The following STPG2 variants were observed in gnomAD, a reference collection of about 807,000 sequenced individuals.
STPG2 encodes the protein sperm-tail PG-rich repeat-containing protein 2.
STPG2 carries 56 observed loss-of-function variants against 54.2 expected under a neutral mutation model. The observed-to-expected ratio is 1.03, with a 90% CI of 0.83 to 1.29. The LOEUF (loss-of-function observed/expected upper bound fraction) is 1.29. Ranked by LOEUF, STPG2 falls within the 50% of genes most tolerant of loss-of-function variation. The probability of loss-of-function intolerance (pLI) is 0.00; values close to 1 mark genes in which losing one functional copy is unlikely to be tolerated. For missense variants in STPG2, 596 were observed against 544.9 expected, an observed-to-expected ratio of 1.09 and a Z score of -0.93; for synonymous variants, 200 against 181.8, an observed-to-expected ratio of 1.10 and a Z score of -0.81.
intron 9 of STPG2, among the ~76,000 whole-genome samples, chr4:97,802,177 C>T (rs188457902): frequency 1.3e-5 from 2 of 152,286 alleles, no homozygotes; most frequent in Non-Finnish European, 2.9e-5. Context: ...GCCCACATCT[C>T]TCCATAAGAG....
chr4:97,862,061 C>T (rs1211686476), intron 8 of STPG2, among the ~76,000 whole-genome samples: 1 of 152,062 alleles, frequency 6.6e-6, no homozygotes, highest in African/African-American at 2.4e-5. Flanking sequence ...GAATCAAATT[C>T]ACACATAACA....
intron 4 of STPG2, among the ~76,000 whole-genome samples, chr4:97,476,837 A>C (rs1488200878): frequency 6.6e-6 from 1 of 152,210 alleles, no homozygotes; most frequent in Non-Finnish European, 1.5e-5. Flanking sequence ...CCCAACAATA[A>C]ACTCTAAGTG....
At chr4:97,548,913 A>C (rs1422480674) in intron 4 of STPG2, among the ~76,000 whole-genome samples, 2 of 81,206 alleles carry the variant, frequency 2.5e-5, no homozygotes, top group African/African-American at 6.3e-5. Flanking sequence ...AAATTGCCCT[A>C]CTATACCAGA....
intron 10 of STPG2, among the ~76,000 whole-genome samples, chr4:97,593,430 G>A (rs963942478): frequency 2.6e-5 from 4 of 152,132 alleles, no homozygotes; most frequent in African/African-American, 7.2e-5. Context: ...CCTGGGTCTC[G>A]CACACCCAAC....
Position 97,535,144 on chromosome 4 carries a change from A to G in STPG2, c.462+177555T>C, listed in dbSNP as rs146484969. 3.6e-3 allele frequency among the ~76,000 whole-genome samples: 544 copies of G among 152,322 alleles called. 2 individuals are homozygous for G. The highest frequency in any genetic ancestry group is 6.0e-3 in the Non-Finnish European group (410 of 68,012). On this transcript the variant is annotated intron_variant, in intron 4 of 4. Transcript: ENST00000522676. ...AGCTTTTCATTTCATTTGGGCAAAT[A>G]CTTAGGATGGATTGCTAGTTTGTAT...
chr4:98,027,779 A>T (rs182493202), intron 5 of STPG2, among the ~76,000 whole-genome samples: 3 of 152,188 alleles, frequency 2.0e-5, no homozygotes, highest in Non-Finnish European at 4.4e-5. Context: ...TTTGGAGTCA[A>T]TCTTCCTTTT....
At chr4:97,967,497 A>T (rs1008961307) in intron 7 of STPG2, among the ~76,000 whole-genome samples, 23 of 152,158 alleles carry the variant, frequency 1.5e-4, no homozygotes, top group Non-Finnish European at 2.9e-4. Flanking sequence ...TCAGCTCTGC[A>T]CCAAGCAGAC....
chr4:97,614,919 C>A (rs1733821074), intron 10 of STPG2, among the ~76,000 whole-genome samples: 1 of 152,080 alleles, frequency 6.6e-6, no homozygotes. Context: ...GTTGTCAGTC[C>A]TTTTCAGTTA....
downstream of STPG2, among the ~76,000 whole-genome samples, chr4:97,554,074 T>C (rs1732025298): frequency 6.6e-6 from 1 of 152,228 alleles, no homozygotes; most frequent in Non-Finnish European, 1.5e-5. Flanking sequence ...TTCTGACCTA[T>C]GTTTCCATTT....
At chr4:97,684,884 T>G (rs1486019136) in intron 10 of STPG2, among the ~76,000 whole-genome samples, 1 of 151,916 alleles carries the variant, frequency 6.6e-6, no homozygotes, top group Non-Finnish European at 1.5e-5. Context: ...AATATACAAT[T>G]TTTTAAAAAT....
chr4:98,000,091 GACTCT>G lies in STPG2; in HGVS notation c.613-18778_613-18774del, dbSNP rs369628188. Among the ~76,000 whole-genome samples the G allele has an allele frequency of 4.6e-4, 70 of 151,984 alleles. 1 individual carries two copies. Among genetic ancestry groups the G allele is most frequent in the African/African-American group, 6.8e-4 (28 of 41,446 alleles). ...AACCTGTGGATCATTCTACTCTTTA[GACTCT>G]ACTCTAATATAATCTTGATATCATT... On this transcript the variant is annotated intron_variant, in intron 5 of 10. Coordinates refer to ENST00000295268, the MANE Select transcript of STPG2 (RefSeq NM_174952.3).
At chr4:97,454,115 AAAC>A (rs1729449106) in intron 4 of STPG2, among the ~76,000 whole-genome samples, 2 of 152,206 alleles carry the variant, frequency 1.3e-5, no homozygotes, top group Non-Finnish European at 2.9e-5. Flanking sequence ...ATAATATTTA[AAAC>A]AACATGGCTT....
At position 97,669,766 on chromosome 4, in the gene STPG2, G is replaced by T. The variant is rs943325200; in HGVS notation, c.1320+42933C>A. Among the ~76,000 whole-genome samples, 5 of 25,886 alleles carry T rather than the reference G, an allele frequency of 1.9e-4. 1 individual carries two copies. Among genetic ancestry groups the T allele is most frequent in the Admixed American group, 9.7e-4 (2 of 2,064 alleles). 17.0% of individuals were successfully genotyped at this position (25,886 alleles called of 152,430 possible). Reference sequence around the variant, plus strand: ...AGCCGAGATTGCGCCACTGCAGTCCGCAGTCCGGCCTGGGCAACAGAGCGA... The same window carrying T: ...AGCCGAGATTGCGCCACTGCAGTCCTCAGTCCGGCCTGGGCAACAGAGCGA... On this transcript the variant is annotated intron_variant, in intron 10 of 10. Coordinates refer to ENST00000295268, the MANE Select transcript of STPG2 (RefSeq NM_174952.3).
intron 9 of STPG2, among the ~76,000 whole-genome samples, chr4:97,783,202 A>G (rs1037621178): frequency 1.3e-5 from 2 of 152,248 alleles, no homozygotes; most frequent in Non-Finnish European, 2.9e-5. Flanking sequence ...GCTAATATCC[A>G]GAATCTACAA....
At chr4:97,909,534 A>T (rs1016688702) in intron 8 of STPG2, among the ~76,000 whole-genome samples, 2 of 152,190 alleles carry the variant, frequency 1.3e-5, no homozygotes, top group Non-Finnish European at 2.9e-5. Flanking sequence ...AATGCATCCC[A>T]CAAAAATAGA....
chr4:97,464,111 A>G (rs1267326448), intron 4 of STPG2, among the ~76,000 whole-genome samples: 1 of 152,160 alleles, frequency 6.6e-6, no homozygotes, highest in Non-Finnish European at 1.5e-5. Context: ...GAGTTTTCTA[A>G]TCAGTTGGGT....
chr4:97,717,166 T>C (rs4330355), intron 9 of STPG2, among the ~76,000 whole-genome samples: 89,579 of 151,836 alleles, frequency 0.59, 26,720 homozygotes, highest in South Asian at 0.68. Flanking sequence ...GTCTATTAAA[T>C]TGAGCTATAG....
At chr4:97,902,940 T>C (rs1186742590) in intron 8 of STPG2, among the ~76,000 whole-genome samples, 3 of 152,156 alleles carry the variant, frequency 2.0e-5, no homozygotes, top group Admixed American at 1.3e-4. Context: ...GTGATATATA[T>C]ATTTATATGA....
intron 9 of STPG2, among the ~76,000 whole-genome samples, chr4:97,739,620 T>C (rs1725149978): frequency 1.3e-5 from 2 of 152,242 alleles, no homozygotes; most frequent in African/African-American, 2.4e-5. Flanking sequence ...CTTGAAGAAA[T>C]GGATAAATTC....
Sources: allele counts gnomAD v4.1 joint callset (sites outside exome capture counted in the v4.1 genomes callset), GRCh38; gene constraint gnomAD v4.1.1; transcripts MANE v1.5; gene names NCBI Gene and HGNC (gene_info 2026-07-23, HGNC 2026-07-21).